Variants in SCN2A observed in about 807,000 individuals in gnomAD.
SCN2A encodes the protein sodium channel protein type 2 subunit alpha.
Under a neutral mutation model 188.7 loss-of-function variants are expected in SCN2A, and 20 were observed. The observed-to-expected ratio is 0.11, with a 90% confidence interval of 0.07 to 0.15. The LOEUF is 0.15. SCN2A is among the 10% of genes least tolerant of loss of function. SCN2A has a pLI of 1.00. For synonymous variants in SCN2A, 804 were observed against 833.1 expected, an observed-to-expected ratio of 0.97 and a Z score of 0.60; for missense variants, 1,278 against 2,445.0, an observed-to-expected ratio of 0.52 and a Z score of 10.07.
intron 1 of SCN2A, among the ~76,000 whole-genome samples, chr2:165,254,120 A>T (rs1417510675): frequency 6.6e-6 from 1 of 151,856 alleles, no homozygotes; most frequent in Non-Finnish European, 1.5e-5. Flanking sequence ...TCAACTTCAT[A>T]ATGTAAGGAT....
At chr2:165,333,252 A>G (rs910018425) in intron 14 of SCN2A, among the ~76,000 whole-genome samples, 1 of 151,972 alleles carries the variant, frequency 6.6e-6, no homozygotes, top group African/African-American at 2.4e-5. Flanking sequence ...AACAATAAAT[A>G]GACAACTCAA....
intron 1 of SCN2A, among the ~76,000 whole-genome samples, chr2:165,265,076 C>T (rs4667804): frequency 0.37 from 55,908 of 151,764 alleles, 10,644 homozygotes; most frequent in African/African-American, 0.47. Flanking sequence ...AACTAAGTTA[C>T]GCTCCCACCA....
chr2:165,310,526 G>T lies in SCN2A; in HGVS notation c.901G>T (p.Asp301Tyr). Reference protein sequence around the residue: ...NITSFFNNSLDGNGTTFNRTV... With the variant: ...NITSFFNNSLYGNGTTFNRTV... ...CACTTCCTTCTTTAACAATTCATTG[G>T]ATGGGAATGGTACTACTTTCAATAG... Residue 301 changes from aspartate to tyrosine, a missense_variant, in exon 7 of 27, where the codon GAT becomes TAT. Physicochemically the swap from Asp to Tyr is radical, Grantham distance 160. Coordinates refer to ENST00000375437, the MANE Select transcript of SCN2A (RefSeq NM_001040142.2). 6.2e-7 allele frequency: 1 copy of T among 1,613,070 alleles called. No homozygotes were observed. The highest frequency in any genetic ancestry group is 1.7e-4 in the Middle Eastern group (1 of 6,054).
rs750847692 is a variant in SCN2A at position 165,324,751 on chromosome 2, G to A, written c.2016+1251G>A. Among the ~76,000 whole-genome samples, 71 of 152,266 alleles carry A rather than the reference G, an allele frequency of 4.7e-4. 2 individuals carry two copies. The highest frequency in any genetic ancestry group is 6.8e-3 in the Middle Eastern group (2 of 294). On this transcript the variant is annotated intron_variant, in intron 12 of 26. Coordinates refer to ENST00000375437, the MANE Select transcript of SCN2A (RefSeq NM_001040142.2). ...CAGAGGAGGAAACTGAGGCTTGTGC[G>A]TGGTGGAGCTAAGATTTGACCCCAG...
intron 20 of SCN2A, chr2:165,371,300 T>G (rs768248201): frequency 1.3e-5 from 2 of 152,200 alleles, no homozygotes; most frequent in Non-Finnish European, 2.9e-5. Flanking sequence ...ACTATTATGA[T>G]AGTATATGAA....
intron 14 of SCN2A, among the ~76,000 whole-genome samples, chr2:165,335,458 A>G (rs1467764513): frequency 6.6e-6 from 1 of 151,680 alleles, no homozygotes; most frequent in Non-Finnish European, 1.5e-5. Flanking sequence ...CTTCATATTT[A>G]TGTTAAATTA....
chr2:165,381,976 A>T (rs995140544), intron 25 of SCN2A, among the ~76,000 whole-genome samples: 1 of 152,044 alleles, frequency 6.6e-6, no homozygotes, highest in African/African-American at 2.4e-5. Flanking sequence ...TATAAAACAG[A>T]CCGTAATTAA....
chr2:165,276,103 A>G (rs1695330497), intron 1 of SCN2A, among the ~76,000 whole-genome samples: 1 of 152,204 alleles, frequency 6.6e-6, no homozygotes, highest in African/African-American at 2.4e-5. Context: ...AAAGTAGGAG[A>G]GTAAGATGTA....
At position 165,310,436 on chromosome 2, in the gene SCN2A, A is replaced by T; in HGVS notation, c.811A>T (p.Met271Leu). The change falls in exon 7 of 27, where the codon ATG becomes TTG. Residue 271 changes from methionine to leucine, a missense_variant. Met to Leu is a conservative substitution (Grantham distance 15). Coordinates refer to ENST00000375437, the MANE Select transcript of SCN2A (RefSeq NM_001040142.2). ...VFALIGLQLFMGNLRNKCLQW... is the reference protein window; with the variant it reads ...VFALIGLQLFLGNLRNKCLQW... ...TGCGCTAATAGGATTGCAGTTGTTC[A>T]TGGGCAACCTACGAAATAAATGTTT... 6.2e-7 allele frequency: 1 copy of T among 1,613,700 alleles called. No individual in the cohort carries two copies. Among genetic ancestry groups the T allele is most frequent in the Non-Finnish European group, 8.5e-7 (1 of 1,179,674 alleles).
intron 4 of SCN2A, 136 bp from the exon 5 acceptor site, chr2:165,308,530 C>A (rs1191338612): frequency 2.7e-6 from 2 of 749,888 alleles, no homozygotes; most frequent in Admixed American, 2.5e-5. Flanking sequence ...TGACTTAAGC[C>A]CCACCTAAAC....
chr2:165,246,285 G>A (rs1034107598), intron 1 of SCN2A, among the ~76,000 whole-genome samples: 2 of 152,140 alleles, frequency 1.3e-5, no homozygotes, highest in Non-Finnish European at 2.9e-5. Flanking sequence ...TCTTGGTAAT[G>A]TCAATATGCA....
At chr2:165,261,740 C>CA (rs1694605359) in intron 1 of SCN2A, among the ~76,000 whole-genome samples, 1 of 152,044 alleles carries the variant, frequency 6.6e-6, no homozygotes, top group African/African-American at 2.4e-5. Context: ...GTTTTAGTCA[C>CA]TCTGCATCAC....
chr2:165,265,435 C>T (rs1460342775), intron 1 of SCN2A, among the ~76,000 whole-genome samples: 1 of 116,200 alleles, frequency 8.6e-6, no homozygotes, highest in Non-Finnish European at 1.8e-5. Context: ...CAAGTATTTT[C>T]TCCTATTCTC....
intron 16 of SCN2A, among the ~76,000 whole-genome samples, chr2:165,353,290 A>G (rs905980439): frequency 3.9e-5 from 6 of 152,190 alleles, no homozygotes; most frequent in Admixed American, 2.6e-4. Flanking sequence ...CTTAATAAAA[A>G]TTGGGACTTT....
chr2:165,248,962 A>C (rs1693976839), intron 1 of SCN2A, among the ~76,000 whole-genome samples: 1 of 152,176 alleles, frequency 6.6e-6, no homozygotes, highest in Admixed American at 6.6e-5. Context: ...TTCAGTATTT[A>C]CACCAATAGA....
Position 165,389,866 on chromosome 2 carries a change from A to G in SCN2A, c.*42A>G. The stretch of plus-strand genomic sequence containing the variant: ...TTCCATTTTGTGATCAATTGTTTAC[A>G]GCCCGTGATGGTGATGTGTTTGTGT... On this transcript the variant is annotated 3_prime_UTR_variant, in exon 27 of 27. Coordinates refer to ENST00000375437, the MANE Select transcript of SCN2A (RefSeq NM_001040142.2). This position sits in a 1 kb window ranked among gnomAD's most constrained non-coding sequence, Gnocchi z 4.2. 6.4e-7 allele frequency: 1 copy of G among 1,553,128 alleles called. No homozygotes were observed. Among genetic ancestry groups the G allele is most frequent in the Non-Finnish European group, 8.7e-7 (1 of 1,151,638 alleles).
chr2:165,322,588 A>C (rs1368193303), intron 11 of SCN2A, among the ~76,000 whole-genome samples: 1 of 152,218 alleles, frequency 6.6e-6, no homozygotes, highest in Non-Finnish European at 1.5e-5. Flanking sequence ...TTATTCATGA[A>C]GACCATCATA....
intron 23 of SCN2A, among the ~76,000 whole-genome samples, chr2:165,379,012 A>C (rs1029948733): frequency 6.6e-6 from 1 of 151,858 alleles, no homozygotes; most frequent in African/African-American, 2.4e-5. Flanking sequence ...TAGGAAAAAA[A>C]ATAGTTAAAT....
At chr2:165,378,268 G>A (rs1490447157) in intron 23 of SCN2A, among the ~76,000 whole-genome samples, 1 of 146,364 alleles carries the variant, frequency 6.8e-6, no homozygotes, top group African/African-American at 2.5e-5. Context: ...TGATAATAAA[G>A]CTCAAAATGC....
Sources: allele counts gnomAD v4.1 joint callset (sites outside exome capture counted in the v4.1 genomes callset), GRCh38; gene constraint gnomAD v4.1.1; non-coding constraint Gnocchi (gnomAD v3.1); transcripts MANE v1.5; gene names NCBI Gene and HGNC (gene_info 2026-07-23, HGNC 2026-07-21).